The following TSPAN16 variants were observed in gnomAD, a reference collection of about 807,000 sequenced individuals.
TSPAN16 encodes the protein tetraspanin 16.
In TSPAN16, 23 loss-of-function variants were observed where a neutral mutation model predicts 25.2. The observed-to-expected ratio is 0.91, with a 90% CI of 0.66 to 1.29. The LOEUF (loss-of-function observed/expected upper bound fraction) is 1.29, where lower values mean the gene tolerates loss of function less well. Ranked by LOEUF, TSPAN16 falls within the 50% of genes most tolerant of loss-of-function variation. TSPAN16 has a pLI of 0.00. For synonymous variants in TSPAN16, 123 were observed against 124.4 expected, an observed-to-expected ratio of 0.99 and a Z score of 0.08; for missense variants, 272 against 299.9, an observed-to-expected ratio of 0.91 and a Z score of 0.69.
downstream of TSPAN16, chr19:11,316,105 GT>G: frequency 8.8e-6 from 3 of 341,136 alleles, no homozygotes; most frequent in African/African-American, 7.1e-5. Flanking sequence ...GTGTGTGTGT[GT>G]GTGTGTGTGT....
chr19:11,301,099 G>A, intron 3 of TSPAN16, 102 bp from the exon 4 acceptor site: 3 of 937,428 alleles, frequency 3.2e-6, no homozygotes, highest in East Asian at 2.5e-5. Flanking sequence ...AAGGCAGCAC[G>A]AGGGACGCTC....
At chr19:11,310,962 C>G (rs1350500444) in intron 5 of TSPAN16, among the ~76,000 whole-genome samples, 1 of 152,092 alleles carries the variant, frequency 6.6e-6, no homozygotes, top group Non-Finnish European at 1.5e-5. Flanking sequence ...CTCAGCCCCC[C>G]AAGTATCTGG....
intron 4 of TSPAN16, among the ~76,000 whole-genome samples, chr19:11,303,117 G>C (rs965976497): frequency 1.3e-4 from 19 of 150,130 alleles, no homozygotes; most frequent in South Asian, 4.2e-4. Context: ...AATAGAAAGG[G>C]GGGAAAGGTG....
intron 6 of TSPAN16, among the ~76,000 whole-genome samples, chr19:11,320,976 C>A (rs549433786): frequency 6.6e-6 from 1 of 152,032 alleles, no homozygotes. Context: ...CGAGACCAGC[C>A]TGGCCAACGT....
At position 11,298,182 on chromosome 19, in the gene TSPAN16, A is replaced by C; in HGVS notation, c.110A>C (p.Lys37Thr). ...IILVGLGIGGKCGGASLTNVL... is the reference protein window; with the variant it reads ...IILVGLGIGGTCGGASLTNVL... ...CTAGTTGGCCTGGGCATTGGTGGTA[A>C]ATGTGGAGGGGCCTCTCTGACGAAT... The change falls in exon 2 of 7, where the codon AAA (lysine) becomes ACA (threonine). Residue 37 changes from lysine (K) to threonine (T), a missense_variant. By Grantham distance (78) the Lys-to-Thr change is moderately conservative (BLOSUM62 -1). Transcript: ENST00000590327. 1.2e-6 allele frequency: 2 copies of C among 1,614,120 alleles called. No individual in the cohort carries two copies. The highest frequency in any genetic ancestry group is 1.7e-6 in the Non-Finnish European group (2 of 1,180,022).
chr19:11,319,458 C>T (rs1361045093), downstream of TSPAN16, among the ~76,000 whole-genome samples: 3 of 152,060 alleles, frequency 2.0e-5, no homozygotes, highest in African/African-American at 4.8e-5. Flanking sequence ...GTTAGCCGGG[C>T]GTGGTGGCAC....
At chr19:11,297,143 C>T (rs778019947) in intron 1 of TSPAN16, among the ~76,000 whole-genome samples, 39 of 152,112 alleles carry the variant, frequency 2.6e-4, no homozygotes, top group Non-Finnish European at 5.3e-4. Context: ...TGAAATATCA[C>T]TCCTCCTCTT....
chr19:11,321,519 A>G (rs963160624), intron 6 of TSPAN16, among the ~76,000 whole-genome samples: 2 of 152,194 alleles, frequency 1.3e-5, no homozygotes, highest in Non-Finnish European at 2.9e-5. Flanking sequence ...AAACCATATC[A>G]ACTGTGACTA....
At chr19:11,298,036 C>A in intron 1 of TSPAN16, 106 bp from the exon 2 acceptor site, 1 of 1,201,116 alleles carries the variant, frequency 8.3e-7, no homozygotes, top group Non-Finnish European at 1.2e-6. Flanking sequence ...TTGGCCTTGG[C>A]CTCCCAAAGT....
intron 4 of TSPAN16, among the ~76,000 whole-genome samples, chr19:11,305,997 G>A (rs2080622102): frequency 6.6e-6 from 1 of 152,182 alleles, no homozygotes; most frequent in African/African-American, 2.4e-5. Context: ...GCCGGGCACG[G>A]TGGCTCACGC....
chr19:11,318,823 T>C (rs1475093776), downstream of TSPAN16, among the ~76,000 whole-genome samples: 1 of 152,012 alleles, frequency 6.6e-6, no homozygotes, highest in Non-Finnish European at 1.5e-5. Flanking sequence ...ATTTTTGTAT[T>C]TTTAGTAGAG....
At chr19:11,298,745 A>G (rs2080508059) in intron 2 of TSPAN16, 127 bp from the exon 3 acceptor site, 2 of 857,162 alleles carry the variant, frequency 2.3e-6, no homozygotes, top group East Asian at 2.4e-5. Context: ...ATTGTTTTAA[A>G]CTGGAGAGGC....
At chr19:11,322,852 TATTCAAGAC>T (rs1329698684) in intron 6 of TSPAN16, 2 of 152,240 alleles carry the variant, frequency 1.3e-5, no homozygotes, top group African/African-American at 4.8e-5. Context: ...AGCTCTGCCC[TATTCAAGAC>T]AATCTGATCC....
At chr19:11,305,538 T>A (rs536711508) in intron 4 of TSPAN16, among the ~76,000 whole-genome samples, 97 of 149,522 alleles carry the variant, frequency 6.5e-4, no homozygotes, top group Middle Eastern at 3.4e-3. Context: ...TCAAAAAAAA[T>A]AATAAAAATA....
In TSPAN16 at chr19:11,298,168, G is replaced by T. The variant is rs758699685; in HGVS notation, c.96G>T (p.Leu32=). 6.2e-7 allele frequency: 1 copy of T among 1,614,032 alleles called. No homozygotes were observed. Among genetic ancestry groups the T allele is most frequent in the African/African-American group, 1.3e-5 (1 of 74,912 alleles). The change falls in exon 2 of 7, where the codon CTG becomes CTT. Residue 32 remains leucine, a synonymous_variant. Coordinates refer to ENST00000590327, the MANE Select transcript of TSPAN16 (RefSeq NM_001282509.2). The stretch of plus-strand genomic sequence containing the variant: ...TGTCTGGCATCATCCTAGTTGGCCT[G>T]GGCATTGGTGGTAAATGTGGAGGGG... ...VAVSGIILVG[L]GIGGKCGGAS...
chr19:11,312,150 T>C lies in TSPAN16; in HGVS notation c.615T>C (p.His205=), dbSNP rs746438605. Residue 205 remains histidine, a synonymous_variant, in exon 6 of 7, where the codon CAT becomes CAC. Transcript: ENST00000590327. The part of the protein sequence containing the change: ...PNVIHQKGCF[H]KLLKITKTQS... ...GTTTGTTTCCTCAGGGCTGTTTCCA[T>C]AAACTCCTAAAAATCACCAAGACTC... 4.3e-6 allele frequency: 7 copies of C among 1,611,514 alleles called. No homozygotes were observed. The South Asian group carries it at 6.6e-5, about 15-fold the overall frequency.
intron 1 of TSPAN16, among the ~76,000 whole-genome samples, chr19:11,296,839 C>A (rs1399153706): frequency 6.6e-6 from 1 of 151,874 alleles, no homozygotes; most frequent in African/African-American, 2.4e-5. Context: ...GAGTTCAAGA[C>A]CAGCCTTGGT....
chr19:11,325,625 G>A (rs753949014), intron 6 of TSPAN16: 6 of 1,352,878 alleles, frequency 4.4e-6, no homozygotes, highest in Non-Finnish European at 5.8e-6. Flanking sequence ...TAAGACCCCT[G>A]AGGGCAGAGT....
At chr19:11,309,051 A>T (rs1057121322) in intron 5 of TSPAN16, among the ~76,000 whole-genome samples, 1 of 152,040 alleles carries the variant, frequency 6.6e-6, no homozygotes, top group African/African-American at 2.4e-5. Flanking sequence ...TTTACAAAAA[A>T]ATTAAAAATC....
Sources: allele counts gnomAD v4.1 joint callset (sites outside exome capture counted in the v4.1 genomes callset), GRCh38; gene constraint gnomAD v4.1.1; transcripts MANE v1.5; gene names NCBI Gene and HGNC (gene_info 2026-07-23, HGNC 2026-07-21).